CNBD1: variants seen among roughly 807,000 people sequenced by gnomAD.
The protein encoded by CNBD1 is cyclic nucleotide-binding domain-containing protein 1.
In CNBD1, 71 loss-of-function variants were observed where a neutral mutation model predicts 54.4. That is an observed-to-expected ratio of 1.30 (90% CI 1.08 to 1.59). The LOEUF is 1.59. Among genes scored for constraint, CNBD1 ranks in the 40% most tolerant of loss-of-function variants. CNBD1 has a pLI of 0.00. For synonymous variants in CNBD1, 182 were observed against 170.7 expected (o/e 1.07, Z -0.51); for missense variants, 659 against 518.0 (o/e 1.27, Z -2.64).
Position 87,402,556 on chromosome 8 carries a change from G to A in CNBD1, c.214-25990G>A, listed in dbSNP as rs542753160. Among the ~76,000 whole-genome samples the A allele has an allele frequency of 2.9e-4, 44 of 152,148 alleles. 1 individual carries two copies. In the South Asian group the frequency reaches 4.6e-3, roughly 16 times the overall value. On this transcript the variant is annotated intron_variant, in intron 2 of 7. Transcript: ENST00000521593. ...ACATAAGGACCGAGCATGAGCAAAG[G>A]CACAGAGGCAAAATATCAATTGTGT...
intron 2 of CNBD1, among the ~76,000 whole-genome samples, chr8:87,407,563 A>C (rs1219322310): frequency 6.6e-6 from 1 of 152,062 alleles, no homozygotes. Context: ...GCTTTAGTAC[A>C]TACTGAGAAA....
At chr8:87,294,157 AC>A (rs1808833146) in intron 8 of CNBD1, among the ~76,000 whole-genome samples, 1 of 152,184 alleles carries the variant, frequency 6.6e-6, no homozygotes, top group Admixed American at 6.5e-5. Flanking sequence ...TTTTGGTAGT[AC>A]CAGAGGCAAA....
At chr8:87,266,439 T>A (rs202142180) in intron 6 of CNBD1, among the ~76,000 whole-genome samples, 2 of 18,132 alleles carry the variant, frequency 1.1e-4, no homozygotes, top group African/African-American at 3.1e-4. Context: ...AAAAAAAATC[T>A]TTTTTTTTTT....
At chr8:87,081,686 TTAG>T (rs1258504499) in intron 4 of CNBD1, among the ~76,000 whole-genome samples, 3 of 151,910 alleles carry the variant, frequency 2.0e-5, no homozygotes, top group Admixed American at 2.0e-4. Context: ...TTTCATATTT[TTAG>T]TAGAAACGGG....
intron 5 of CNBD1, among the ~76,000 whole-genome samples, chr8:87,211,643 C>T (rs928438011): frequency 6.6e-6 from 1 of 152,140 alleles, no homozygotes; most frequent in Non-Finnish European, 1.5e-5. Flanking sequence ...CCTTCTCTCT[C>T]CATGTGATGC....
At chr8:87,171,424 C>T (rs944525229) in intron 4 of CNBD1, among the ~76,000 whole-genome samples, 4 of 150,982 alleles carry the variant, frequency 2.6e-5, no homozygotes, top group African/African-American at 9.7e-5. Flanking sequence ...CTTAGTCTGG[C>T]CAAAGGTTTG....
intron 4 of CNBD1, among the ~76,000 whole-genome samples, chr8:86,971,649 C>T (rs980658979): frequency 2.6e-5 from 4 of 152,036 alleles, no homozygotes; most frequent in Non-Finnish European, 4.4e-5. Flanking sequence ...AATACAGTTC[C>T]ATAGAGTTTC....
At chr8:87,302,894 A>G (rs1212853285) in intron 8 of CNBD1, among the ~76,000 whole-genome samples, 2 of 152,082 alleles carry the variant, frequency 1.3e-5, no homozygotes, top group Admixed American at 6.6e-5. Flanking sequence ...CAATTGCTTC[A>G]AAGAGAATAA....
At chr8:86,987,280 A>T (rs543884071) in intron 4 of CNBD1, among the ~76,000 whole-genome samples, 3 of 152,060 alleles carry the variant, frequency 2.0e-5, no homozygotes, top group Non-Finnish European at 2.9e-5. Context: ...ACTATAAATG[A>T]GGTTGTGTTT....
At chr8:87,317,420 G>T (rs1233057952) in intron 8 of CNBD1, among the ~76,000 whole-genome samples, 5 of 151,194 alleles carry the variant, frequency 3.3e-5, no homozygotes, top group African/African-American at 1.2e-4. Flanking sequence ...TTTTCCTGTA[G>T]ATTTCTCCTT....
At chr8:87,293,282 C>T (rs1341248376) in intron 8 of CNBD1, among the ~76,000 whole-genome samples, 1 of 152,106 alleles carries the variant, frequency 6.6e-6, no homozygotes, top group East Asian at 1.9e-4. Flanking sequence ...CAGTGGCTCA[C>T]ACCCATATCC....
At chr8:87,421,237 TTTTA>T (rs1193108992) in intron 2 of CNBD1, among the ~76,000 whole-genome samples, 1 of 151,754 alleles carries the variant, frequency 6.6e-6, no homozygotes, top group Non-Finnish European at 1.5e-5. Context: ...TTTTTTATTT[TTTTA>T]TTTATGTTCA....
chr8:87,312,283 T>C (rs1809284125), intron 8 of CNBD1, among the ~76,000 whole-genome samples: 1 of 152,114 alleles, frequency 6.6e-6, no homozygotes, highest in South Asian at 2.1e-4. Flanking sequence ...AATGCTTTCA[T>C]TTTAACCTTT....
intron 4 of CNBD1, among the ~76,000 whole-genome samples, chr8:86,977,072 G>T (rs1808360253): frequency 6.6e-6 from 1 of 151,930 alleles, no homozygotes; most frequent in Non-Finnish European, 1.5e-5. Flanking sequence ...GAACAGAAGT[G>T]GTGAGAGTGG....
chr8:87,413,753 C>CAA (rs11411230), intron 2 of CNBD1, among the ~76,000 whole-genome samples: 5 of 148,810 alleles, frequency 3.4e-5, no homozygotes, highest in South Asian at 4.2e-4. Context: ...TTTATGCAGC[C>CAA]AAAAAACACA....
intron 2 of CNBD1, among the ~76,000 whole-genome samples, chr8:86,897,928 C>T (rs1303965386): frequency 6.6e-6 from 1 of 152,022 alleles, no homozygotes; most frequent in Non-Finnish European, 1.5e-5. Flanking sequence ...TTCACTGCAG[C>T]ATTTTTTTTG....
At chr8:87,005,586 T>C (rs922094812) in intron 4 of CNBD1, among the ~76,000 whole-genome samples, 2 of 151,878 alleles carry the variant, frequency 1.3e-5, no homozygotes, top group African/African-American at 2.4e-5. Context: ...TTAAGAAATA[T>C]ATATATTTCT....
chr8:87,012,392 T>G (rs1005127879), intron 4 of CNBD1, among the ~76,000 whole-genome samples: 4 of 152,176 alleles, frequency 2.6e-5, no homozygotes, highest in Non-Finnish European at 5.9e-5. Flanking sequence ...CCTATATATT[T>G]TGACTTACTT....
At chr8:86,972,064 G>T (rs752501203) in intron 4 of CNBD1, among the ~76,000 whole-genome samples, 9 of 151,752 alleles carry the variant, frequency 5.9e-5, no homozygotes, top group Middle Eastern at 3.2e-3. Context: ...GCAGTTCTCT[G>T]CCTCAGCCTC....
Sources: gnomAD v4.1 joint callset for allele counts (sites outside exome capture counted in the v4.1 genomes callset) on GRCh38, gnomAD v4.1.1 for gene constraint, MANE v1.5 for transcripts, NCBI Gene and HGNC (gene_info 2026-07-23, HGNC 2026-07-21) for gene names.